The following XKR9 variants were observed in gnomAD, a reference collection of about 807,000 sequenced individuals.
XKR9 encodes the protein XK related 9, also known as XK-related protein 9.
XKR9 carries 32 observed loss-of-function variants against 32.0 expected under a neutral mutation model. That is an observed-to-expected ratio of 1.00 (90% CI 0.76 to 1.34). The LOEUF (loss-of-function observed/expected upper bound fraction) is 1.34, where lower values mean the gene tolerates loss of function less well. Ranked by LOEUF, XKR9 falls within the 40% of genes most tolerant of loss-of-function variation. The pLI is 0.00. For synonymous variants in XKR9, 168 were observed against 143.4 expected, an observed-to-expected ratio of 1.17 and a Z score of -1.22; for missense variants, 546 against 429.7, an observed-to-expected ratio of 1.27 and a Z score of -2.39.
At chr8:71,039,802 G>A in the XKR9 span, among the ~76,000 whole-genome samples, 1 of 152,100 alleles carries the variant, frequency 6.6e-6, no homozygotes, top group Non-Finnish European at 1.5e-5. Context: ...GAAGGGGATT[G>A]TGATGAAAGA....
chr8:70,844,736 C>T, the XKR9 span, among the ~76,000 whole-genome samples: 2 of 152,274 alleles, frequency 1.3e-5, no homozygotes, highest in Non-Finnish European at 2.9e-5. Context: ...CAGCCTGCTG[C>T]TAATGCCATA....
the XKR9 span, among the ~76,000 whole-genome samples, chr8:71,058,574 G>GAGATCCTGTGAGGTCAAC: frequency 3.8e-4 from 58 of 152,144 alleles, no homozygotes; most frequent in African/African-American, 1.4e-3. Context: ...GTGAGTGTAA[G>GAGATCCTGTGAGGTCAAC]AACTGAGATC....
At chr8:70,676,950 A>G (rs1215421491) in intron 2 of XKR9, among the ~76,000 whole-genome samples, 1 of 152,194 alleles carries the variant, frequency 6.6e-6, no homozygotes, top group Non-Finnish European at 1.5e-5. Context: ...AGAAATGCAC[A>G]TATGGAATAC....
chr8:70,900,001 A>G, the XKR9 span, among the ~76,000 whole-genome samples: 5 of 152,190 alleles, frequency 3.3e-5, no homozygotes, highest in African/African-American at 1.2e-4. Flanking sequence ...GTACACTTCT[A>G]TGAACAGTGC....
the XKR9 span, among the ~76,000 whole-genome samples, chr8:71,049,702 A>G: frequency 6.6e-6 from 1 of 152,204 alleles, no homozygotes; most frequent in Admixed American, 6.5e-5. Flanking sequence ...GTGTCCACAC[A>G]CACTGAGAGG....
intron 2 of XKR9, among the ~76,000 whole-genome samples, chr8:70,758,637 C>T (rs1421910115): frequency 6.6e-6 from 1 of 152,192 alleles, no homozygotes; most frequent in East Asian, 1.9e-4. Flanking sequence ...TAAACATTGT[C>T]CTATGATACA....
intron 2 of XKR9, among the ~76,000 whole-genome samples, chr8:70,758,738 G>T (rs1807264892): frequency 6.6e-6 from 1 of 152,200 alleles, no homozygotes; most frequent in Admixed American, 6.5e-5. Context: ...TTTGATTTAA[G>T]ATTAGAGTAG....
At position 70,775,395 on chromosome 8, in the gene XKR9, C is replaced by A. The variant is rs539387466; in HGVS notation, n.353-13944C>A. 3.2e-4 allele frequency among the ~76,000 whole-genome samples: 48 copies of A among 152,262 alleles called. 1 individual carries two copies. The highest frequency in any genetic ancestry group is 1.1e-3 in the African/African-American group (46 of 41,570). On this transcript the variant is annotated intron_variant and non_coding_transcript_variant, in intron 2 of 3. Transcript: ENST00000520273. ...AGCAGATATCTTTGCCTTGTCTTCA[C>A]TACTACTGAAATAGTGTAATATCAT...
At chr8:71,000,169 T>C in the XKR9 span, among the ~76,000 whole-genome samples, 1 of 152,244 alleles carries the variant, frequency 6.6e-6, no homozygotes, top group Non-Finnish European at 1.5e-5. Context: ...AAAACTGAAG[T>C]AATTCAATTT....
chr8:70,959,782 G>A, the XKR9 span, among the ~76,000 whole-genome samples: 1 of 152,126 alleles, frequency 6.6e-6, no homozygotes, highest in Admixed American at 6.5e-5. Flanking sequence ...TTTGGTATTT[G>A]TACTTTTTTT....
At chr8:70,836,783 A>T in the XKR9 span, among the ~76,000 whole-genome samples, 1 of 152,074 alleles carries the variant, frequency 6.6e-6, no homozygotes, top group African/African-American at 2.4e-5. Context: ...AAAAATATTT[A>T]TTGGAAACCT....
At chr8:70,972,419 G>GTTTGACTT in the XKR9 span, among the ~76,000 whole-genome samples, 1 of 152,054 alleles carries the variant, frequency 6.6e-6, no homozygotes. Context: ...GACAATGATG[G>GTTTGACTT]TTTGACTTCC....
chr8:70,704,895 T>C (rs1346803290), intron 3 of XKR9, among the ~76,000 whole-genome samples: 3 of 152,154 alleles, frequency 2.0e-5, no homozygotes, highest in African/African-American at 7.2e-5. Flanking sequence ...CATTTGCCTT[T>C]CTAATGAATG....
At chr8:70,929,892 C>T in the XKR9 span, among the ~76,000 whole-genome samples, 1 of 152,164 alleles carries the variant, frequency 6.6e-6, no homozygotes, top group South Asian at 2.1e-4. Flanking sequence ...TCTGCAAAGT[C>T]CCTTCACAGA....
chr8:70,845,369 A>G, the XKR9 span, among the ~76,000 whole-genome samples: 1 of 152,248 alleles, frequency 6.6e-6, no homozygotes, highest in Non-Finnish European at 1.5e-5. Flanking sequence ...AAAAGACACA[A>G]GAAACATGGA....
At chr8:70,831,444 C>T in the XKR9 span, among the ~76,000 whole-genome samples, 1 of 152,084 alleles carries the variant, frequency 6.6e-6, no homozygotes, top group Admixed American at 6.5e-5. Flanking sequence ...AAGTTTCTCT[C>T]GTGATTAAAA....
chr8:70,866,328 C>T, the XKR9 span, among the ~76,000 whole-genome samples: 1 of 152,124 alleles, frequency 6.6e-6, no homozygotes, highest in Non-Finnish European at 1.5e-5. Flanking sequence ...CTTAGTGACT[C>T]CCTGTTGAAT....
At chr8:70,814,883 G>A in the XKR9 span, among the ~76,000 whole-genome samples, 1 of 152,128 alleles carries the variant, frequency 6.6e-6, no homozygotes, top group Non-Finnish European at 1.5e-5. Flanking sequence ...TTTGATAAAT[G>A]AATTCAGTAA....
At chr8:70,949,398 A>G in the XKR9 span, among the ~76,000 whole-genome samples, 1 of 152,006 alleles carries the variant, frequency 6.6e-6, no homozygotes, top group African/African-American at 2.4e-5. Flanking sequence ...TTAAATGAAG[A>G]TTTAGTATGC....
Sources: allele counts gnomAD v4.1 joint callset (sites outside exome capture counted in the v4.1 genomes callset), GRCh38; gene constraint gnomAD v4.1.1; transcripts MANE v1.5; gene names NCBI Gene and HGNC (gene_info 2026-07-23, HGNC 2026-07-21).